Variants in PPM1E observed in about 807,000 individuals in gnomAD.
PPM1E encodes the protein protein phosphatase 1E.
A neutral mutation model predicts 65.9 loss-of-function variants in PPM1E; 20 were observed. That is an observed-to-expected ratio of 0.30 (90% CI 0.21 to 0.44). The LOEUF (loss-of-function observed/expected upper bound fraction) is 0.44, where lower values mean the gene tolerates loss of function less well. PPM1E is among the 20% of genes least tolerant of loss of function. The pLI is 1.00. For missense variants in PPM1E, 713 were observed against 953.1 expected (o/e 0.75, Z 3.32); for synonymous variants, 352 against 374.9 (o/e 0.94, Z 0.70).
chr17:58,942,852 T>G (rs2052093296), intron 1 of PPM1E, among the ~76,000 whole-genome samples: 1 of 151,474 alleles, frequency 6.6e-6, no homozygotes, highest in Non-Finnish European at 1.5e-5. Flanking sequence ...AAAAAAGATT[T>G]GAGTATCTTA....
chr17:58,814,746 C>G (rs1160709297), intron 1 of PPM1E, among the ~76,000 whole-genome samples: 3 of 152,226 alleles, frequency 2.0e-5, no homozygotes. Context: ...GTCACACCAA[C>G]TCAACCTTGC....
chr17:58,924,969 G>T (rs1274594672), intron 1 of PPM1E, among the ~76,000 whole-genome samples: 1 of 151,984 alleles, frequency 6.6e-6, no homozygotes, highest in Non-Finnish European at 1.5e-5. Context: ...TCTTCATTTA[G>T]TCTATCATTT....
chr17:58,874,716 G>C (rs752239159), intron 1 of PPM1E, among the ~76,000 whole-genome samples: 4 of 152,042 alleles, frequency 2.6e-5, no homozygotes, highest in Non-Finnish European at 5.9e-5. Flanking sequence ...TGACTTATTG[G>C]ATAATTGGGA....
intron 1 of PPM1E, among the ~76,000 whole-genome samples, chr17:58,806,267 G>A (rs750147957): frequency 1.5e-4 from 23 of 151,470 alleles, no homozygotes; most frequent in Admixed American, 4.6e-4. Flanking sequence ...TTATCAATGC[G>A]AGAGTACAAA....
chr17:58,824,251 C>T (rs542476874), intron 1 of PPM1E, among the ~76,000 whole-genome samples: 3 of 152,048 alleles, frequency 2.0e-5, no homozygotes, highest in South Asian at 4.2e-4. Context: ...CTTTTTTTCT[C>T]ATAGAAAAAA....
At position 58,980,412 on chromosome 17, in the gene PPM1E, C is replaced by T. The variant is rs2031286289; in HGVS notation, c.1649C>T (p.Thr550Ile). 1 of 1,614,054 alleles carries T rather than the reference C, an allele frequency of 6.2e-7. No homozygotes were observed. The highest frequency in any genetic ancestry group is 8.5e-7 in the Non-Finnish European group (1 of 1,180,032). ...LGYDGRVDSF[T>I]DRTSLSPGSQ... ...TATGATGGGCGTGTGGATTCATTCA[C>T]TGATAGAACTAGCCTGAGCCCAGGG... The change falls in exon 7 of 7, where the codon ACT becomes ATT. Residue 550 changes from threonine (T) to isoleucine (I), a missense_variant. Thr to Ile is a moderately conservative substitution (Grantham distance 89, BLOSUM62 -1). This residue lies in a region of PPM1E where 286 missense variants were observed against 313.8 expected (regional missense o/e 0.91). Transcript: ENST00000308249. This position sits in a 1 kb window ranked among gnomAD's most constrained non-coding sequence, Gnocchi z 4.7.
chr17:58,764,766 A>G (rs1042515712), intron 1 of PPM1E, among the ~76,000 whole-genome samples: 12 of 151,642 alleles, frequency 7.9e-5, no homozygotes, highest in Non-Finnish European at 1.0e-4. Context: ...GCTAATTTTT[A>G]TATTTTTTGT....
intron 1 of PPM1E, among the ~76,000 whole-genome samples, chr17:58,930,668 T>A (rs559046872): frequency 1.3e-4 from 20 of 151,774 alleles, no homozygotes; most frequent in African/African-American, 4.8e-4. Flanking sequence ...ACGAAAAAAA[T>A]TGTCAGTGAA....
intron 1 of PPM1E, among the ~76,000 whole-genome samples, chr17:58,824,444 G>T (rs1183016756): frequency 6.6e-6 from 1 of 152,080 alleles, no homozygotes; most frequent in African/African-American, 2.4e-5. Flanking sequence ...AGTGAAGATA[G>T]ATATTTCTTC....
intron 1 of PPM1E, among the ~76,000 whole-genome samples, chr17:58,830,057 C>T (rs1183333480): frequency 6.6e-6 from 1 of 152,056 alleles, no homozygotes; most frequent in Non-Finnish European, 1.5e-5. Context: ...TGCCTGTAGT[C>T]CTAGCTACTT....
intron 1 of PPM1E, among the ~76,000 whole-genome samples, chr17:58,924,992 G>T (rs1016549676): frequency 6.6e-6 from 1 of 152,060 alleles, no homozygotes; most frequent in African/African-American, 2.4e-5. Flanking sequence ...GGGCATTTGG[G>T]TTGGTTCCAT....
intron 1 of PPM1E, among the ~76,000 whole-genome samples, chr17:58,788,295 C>T (rs761303411): frequency 3.3e-5 from 5 of 152,158 alleles, no homozygotes; most frequent in Admixed American, 6.5e-5. Flanking sequence ...AAGTGATCCA[C>T]CTGCCTCGGC....
At chr17:58,854,299 G>GTC (rs774962320) in intron 1 of PPM1E, among the ~76,000 whole-genome samples, 14 of 152,174 alleles carry the variant, frequency 9.2e-5, no homozygotes, top group Non-Finnish European at 1.9e-4. Context: ...AGGTGTGTGT[G>GTC]TATGTGTGTG....
intron 1 of PPM1E, among the ~76,000 whole-genome samples, chr17:58,844,925 A>T (rs2050756179): frequency 6.6e-6 from 1 of 152,202 alleles, no homozygotes. Context: ...TTAAAGTTAA[A>T]ATATTTCTAT....
Position 58,844,311 on chromosome 17 carries a change from A to G in PPM1E, c.464+87850A>G, listed in dbSNP as rs148275684. On this transcript the variant is annotated intron_variant, in intron 1 of 6. Transcript: ENST00000308249. ...ATAAAAAAAATTATAACTAATTGTAATTTATATTTCAAATGGGTATGAAAG... is the reference window on the plus strand; with the variant it reads ...ATAAAAAAAATTATAACTAATTGTAGTTTATATTTCAAATGGGTATGAAAG... Among the ~76,000 whole-genome samples, 196 of 152,294 alleles carry G rather than the reference A, an allele frequency of 1.3e-3. 1 individual carries two copies. The highest frequency in any genetic ancestry group is 4.5e-3 in the African/African-American group (187 of 41,570).
chr17:58,864,981 A>C (rs2050984336), intron 1 of PPM1E, among the ~76,000 whole-genome samples: 1 of 152,142 alleles, frequency 6.6e-6, no homozygotes, highest in African/African-American at 2.4e-5. Context: ...CTGCAAAATA[A>C]ATTCCAGATT....
At chr17:58,865,715 CAAACA>C (rs1018970449) in intron 1 of PPM1E, among the ~76,000 whole-genome samples, 4 of 152,158 alleles carry the variant, frequency 2.6e-5, no homozygotes, top group African/African-American at 9.7e-5. Context: ...AACAAACAAA[CAAACA>C]AAAGTTTCTT....
chr17:58,913,567 G>A (rs116070072), intron 1 of PPM1E, among the ~76,000 whole-genome samples: 1,608 of 152,192 alleles, frequency 0.011, 33 homozygotes, highest in African/African-American at 0.037. Flanking sequence ...GAAGACAGGA[G>A]TTTATTACTC....
chr17:58,792,694 G>T (rs1176283888), intron 1 of PPM1E, among the ~76,000 whole-genome samples: 2 of 147,780 alleles, frequency 1.4e-5, no homozygotes, highest in Non-Finnish European at 3.0e-5. Context: ...ATGTAACATG[G>T]CTATAAATAC....
Sources: allele counts gnomAD v4.1 joint callset (sites outside exome capture counted in the v4.1 genomes callset), GRCh38; gene constraint gnomAD v4.1.1; regional missense constraint gnomAD v4.1.1; non-coding constraint Gnocchi (gnomAD v3.1); transcripts MANE v1.5; gene names NCBI Gene and HGNC (gene_info 2026-07-23, HGNC 2026-07-21).